Variants in ATF7IP2 observed in about 807,000 individuals in gnomAD.
ATF7IP2 encodes the protein activating transcription factor 7-interacting protein 2.
In ATF7IP2, 42 loss-of-function variants were observed where a neutral mutation model predicts 64.2. The observed-to-expected ratio is 0.65, with a 90% CI of 0.51 to 0.85. ATF7IP2 has a LOEUF of 0.85. Ranked by LOEUF, ATF7IP2 falls within the 40% of genes least tolerant of loss-of-function variation. The pLI is 0.00. For synonymous variants in ATF7IP2, 308 were observed against 272.8 expected (o/e 1.13, Z -1.27); for missense variants, 933 against 784.2 (o/e 1.19, Z -2.27).
At chr16:10,461,982 C>G (rs1205118484) in intron 9 of ATF7IP2, among the ~76,000 whole-genome samples, 2 of 151,926 alleles carry the variant, frequency 1.3e-5, no homozygotes, top group African/African-American at 4.8e-5. Context: ...GGTCCTTTTC[C>G]TCATATGTAT....
At chr16:10,466,120 C>T (rs1008646952) in intron 9 of ATF7IP2, among the ~76,000 whole-genome samples, 11 of 152,172 alleles carry the variant, frequency 7.2e-5, no homozygotes, top group African/African-American at 2.4e-4. Flanking sequence ...ACTCAGTGAG[C>T]TCTTTTATGT....
chr16:10,396,159 C>G (rs1383915549), intron 1 of ATF7IP2, among the ~76,000 whole-genome samples: 1 of 152,022 alleles, frequency 6.6e-6, no homozygotes, highest in East Asian at 1.9e-4. Context: ...TATATAATAG[C>G]ATCAAAAAGT....
chr16:10,422,133 T>A (rs2047999176), intron 3 of ATF7IP2, among the ~76,000 whole-genome samples: 1 of 152,218 alleles, frequency 6.6e-6, no homozygotes, highest in Admixed American at 6.5e-5. Flanking sequence ...CTATGTGTCC[T>A]TTTTCTAATT....
chr16:10,432,095 C>A (rs1197872289), intron 5 of ATF7IP2, among the ~76,000 whole-genome samples: 1 of 151,520 alleles, frequency 6.6e-6, no homozygotes, highest in South Asian at 2.1e-4. Flanking sequence ...CCTTGGCCTC[C>A]CAAAGTGCTG....
chr16:10,446,499 A>AG (rs1453224126), intron 8 of ATF7IP2: 4 of 152,162 alleles, frequency 2.6e-5, no homozygotes, highest in African/African-American at 9.7e-5. Context: ...CCACCAACAT[A>AG]GGGCATAACC....
chr16:10,441,657 T>C (rs1035851766), intron 8 of ATF7IP2, among the ~76,000 whole-genome samples: 2 of 152,174 alleles, frequency 1.3e-5, no homozygotes, highest in Non-Finnish European at 2.9e-5. Context: ...CTTTGTCAAA[T>C]GGATAGATTG....
intron 1 of ATF7IP2, among the ~76,000 whole-genome samples, chr16:10,391,293 C>T (rs936964648): frequency 6.6e-6 from 1 of 151,926 alleles, no homozygotes; most frequent in Non-Finnish European, 1.5e-5. Flanking sequence ...AAAGACCAGG[C>T]GCTGTGGCTC....
chr16:10,414,052 G>C (rs529629031), intron 1 of ATF7IP2, among the ~76,000 whole-genome samples: 1 of 152,190 alleles, frequency 6.6e-6, no homozygotes, highest in Non-Finnish European at 1.5e-5. Context: ...TCTGATGCCA[G>C]TGTGCCTAGG....
At chr16:10,401,030 A>T (rs1014194276) in intron 1 of ATF7IP2, among the ~76,000 whole-genome samples, 2 of 152,180 alleles carry the variant, frequency 1.3e-5, no homozygotes, top group African/African-American at 2.4e-5. Context: ...GCTAAATTTT[A>T]TGAAATGCTT....
intron 1 of ATF7IP2, among the ~76,000 whole-genome samples, chr16:10,414,189 C>A (rs955492894): frequency 6.6e-6 from 1 of 152,134 alleles, no homozygotes; most frequent in African/African-American, 2.4e-5. Flanking sequence ...CTAAACTTTT[C>A]GCTTTCTCTT....
intron 5 of ATF7IP2, 21 bp from the exon 6 acceptor site, chr16:10,433,504 T>C: frequency 6.3e-7 from 1 of 1,598,862 alleles, no homozygotes; most frequent in African/African-American, 1.4e-5. Context: ...TCTTTCTTTC[T>C]AATCTTTTGA....
In ATF7IP2 at chr16:10,398,088, A is replaced by T. The variant is rs184516725; in HGVS notation, c.-242+11966A>T. On this transcript the variant is annotated intron_variant, in intron 1 of 13. Coordinates refer to ENST00000562102, the MANE Select transcript of ATF7IP2 (RefSeq NM_001393719.1). ...GGGAGGCTGAGGCGGGTGGATCATGAGGTCAGGAGTTTTGAGACCAGCCTG... is the reference window on the plus strand; with the variant it reads ...GGGAGGCTGAGGCGGGTGGATCATGTGGTCAGGAGTTTTGAGACCAGCCTG... Among the ~76,000 whole-genome samples the T allele has an allele frequency of 1.9e-3, 292 of 151,684 alleles. 1 individual carries two copies. The highest frequency in any genetic ancestry group is 3.5e-3 in the Non-Finnish European group (240 of 67,860).
chr16:10,440,718 GA>G (rs1257713645), intron 8 of ATF7IP2, among the ~76,000 whole-genome samples: 1 of 152,156 alleles, frequency 6.6e-6, no homozygotes, highest in Non-Finnish European at 1.5e-5. Context: ...ATTTTATCAT[GA>G]AAAGTATCAA....
chr16:10,412,842 A>G (rs1473497697), intron 1 of ATF7IP2, among the ~76,000 whole-genome samples: 2 of 152,140 alleles, frequency 1.3e-5, no homozygotes, highest in Non-Finnish European at 2.9e-5. Context: ...TGGGAACTCC[A>G]GTGTTAGGTA....
chr16:10,407,781 C>A (rs1052827016), intron 1 of ATF7IP2, among the ~76,000 whole-genome samples: 2 of 152,022 alleles, frequency 1.3e-5, no homozygotes, highest in East Asian at 3.9e-4. Context: ...GTCTTTTATC[C>A]CTCATCACCC....
At chr16:10,401,652 C>G (rs756530366) in intron 1 of ATF7IP2, among the ~76,000 whole-genome samples, 3 of 151,438 alleles carry the variant, frequency 2.0e-5, no homozygotes, top group African/African-American at 4.9e-5. Flanking sequence ...TTTTTTTTCC[C>G]TCTTTTTTTT....
intron 12 of ATF7IP2, among the ~76,000 whole-genome samples, chr16:10,478,784 C>T (rs2050103978): frequency 6.6e-6 from 1 of 152,148 alleles, no homozygotes; most frequent in Non-Finnish European, 1.5e-5. Flanking sequence ...TCAGAATCTA[C>T]AATGAACTCA....
chr16:10,468,046 ATTTTGTATTTTTTAGTAGAGACGGG>A (rs1248453594), intron 9 of ATF7IP2, among the ~76,000 whole-genome samples: 9 of 147,792 alleles, frequency 6.1e-5, no homozygotes, highest in African/African-American at 2.3e-4. Context: ...TGCCCGACTA[ATTTTGTATTTTTTAGTAGAGACGGG>A]GTTTCTCCAT....
At chr16:10,411,558 T>A (rs947986056) in intron 1 of ATF7IP2, among the ~76,000 whole-genome samples, 1 of 151,966 alleles carries the variant, frequency 6.6e-6, no homozygotes, top group African/African-American at 2.4e-5. Flanking sequence ...TTAGTAGAGA[T>A]GTGGTTTCAC....
Sources: gnomAD v4.1 joint callset for allele counts (sites outside exome capture counted in the v4.1 genomes callset) on GRCh38, gnomAD v4.1.1 for gene constraint, MANE v1.5 for transcripts, NCBI Gene and HGNC (gene_info 2026-07-23, HGNC 2026-07-21) for gene names.